MMP26: variants seen among roughly 807,000 people sequenced by gnomAD.
MMP26 encodes the protein matrix metallopeptidase 26.
Under a neutral mutation model 31.0 loss-of-function variants are expected in MMP26, and 33 were observed. The observed-to-expected ratio is 1.06, with a 90% CI of 0.81 to 1.42. MMP26 has a LOEUF of 1.42. MMP26 is among the 40% of genes most tolerant of loss of function. The pLI is 0.00. For synonymous variants in MMP26, 122 were observed against 114.9 expected, an observed-to-expected ratio of 1.06 and a Z score of -0.40; for missense variants, 347 against 316.1, an observed-to-expected ratio of 1.10 and a Z score of -0.74.
chr11:4,842,214 G>C (rs181512702), intron 2 of MMP26, among the ~76,000 whole-genome samples: 1 of 152,150 alleles, frequency 6.6e-6, no homozygotes, highest in Non-Finnish European at 1.5e-5. Context: ...TTAAGGTGCA[G>C]TTTTTATTGG....
At chr11:4,814,165 A>G (rs1473969740) in intron 2 of MMP26, among the ~76,000 whole-genome samples, 1 of 152,194 alleles carries the variant, frequency 6.6e-6, no homozygotes, top group Non-Finnish European at 1.5e-5. Flanking sequence ...AATGAGGAGC[A>G]ATTGGAGCAC....
In MMP26 at chr11:4,841,938, G is replaced by A. The variant is rs573252952; in HGVS notation, c.-145+74597G>A. 5.3e-5 allele frequency among the ~76,000 whole-genome samples: 8 copies of A among 152,106 alleles called. No individual in the cohort carries two copies. The East Asian group carries it at 1.4e-3, about 26-fold the overall frequency. ...ACAAGAGCAAAACTCTGTCTCAAAG[G>A]GAGTTCTTTAATCTGAAAGAACAGG... On this transcript the variant is annotated intron_variant, in intron 2 of 7. Transcript: ENST00000380390.
chr11:4,732,837 T>C (rs1009555563), intron 1 of MMP26, among the ~76,000 whole-genome samples: 4 of 152,264 alleles, frequency 2.6e-5, no homozygotes, highest in African/African-American at 9.6e-5. Flanking sequence ...ATTGCATGGT[T>C]CCATCACATT....
intron 2 of MMP26, chr11:4,954,703 T>A (rs1846411204): frequency 1.4e-6 from 1 of 732,904 alleles, no homozygotes; most frequent in Non-Finnish European, 2.3e-6. Context: ...TGGTGTCAAA[T>A]ATTAGGTTTC....
intron 1 of MMP26, among the ~76,000 whole-genome samples, chr11:4,735,251 C>T (rs1421304659): frequency 2.0e-5 from 3 of 152,302 alleles, no homozygotes; most frequent in East Asian, 3.9e-4. Flanking sequence ...AATTGTTTTT[C>T]ATTGACTATA....
At chr11:4,906,822 G>A (rs1850897254) in intron 2 of MMP26, among the ~76,000 whole-genome samples, 1 of 152,078 alleles carries the variant, frequency 6.6e-6, no homozygotes, top group Non-Finnish European at 1.5e-5. Flanking sequence ...CAGATGCAGT[G>A]GCTCACACCT....
At chr11:4,969,343 A>G (rs1027883522) in intron 2 of MMP26, among the ~76,000 whole-genome samples, 2 of 152,016 alleles carry the variant, frequency 1.3e-5, no homozygotes, top group Non-Finnish European at 2.9e-5. Context: ...ATATTGTACT[A>G]GTTTATCTTA....
At chr11:4,854,741 T>A (rs1450752009) in intron 2 of MMP26, among the ~76,000 whole-genome samples, 1 of 152,204 alleles carries the variant, frequency 6.6e-6, no homozygotes, top group Admixed American at 6.5e-5. Flanking sequence ...GAGTTTGAGA[T>A]CTGAGAATGG....
intron 2 of MMP26, among the ~76,000 whole-genome samples, chr11:4,869,944 C>T (rs1367839650): frequency 6.6e-6 from 1 of 152,078 alleles, no homozygotes; most frequent in Non-Finnish European, 1.5e-5. Context: ...AAGCTGGAAA[C>T]CATCATTGTG....
chr11:4,762,863 C>T (rs1848583999), intron 1 of MMP26, among the ~76,000 whole-genome samples: 1 of 152,110 alleles, frequency 6.6e-6, no homozygotes, highest in African/African-American at 2.4e-5. Flanking sequence ...CTACTAATAA[C>T]TGTAGCTCAA....
chr11:4,963,867 T>C (rs1390436211), intron 2 of MMP26, among the ~76,000 whole-genome samples: 9 of 152,170 alleles, frequency 5.9e-5, no homozygotes, highest in African/African-American at 9.7e-5. Context: ...TAATGATCAG[T>C]GAGGTTGAGC....
At chr11:4,964,910 C>G (rs1422963697) in intron 2 of MMP26, among the ~76,000 whole-genome samples, 1 of 151,974 alleles carries the variant, frequency 6.6e-6, no homozygotes, top group African/African-American at 2.4e-5. Flanking sequence ...CACACTGGGA[C>G]CTGTTGGAGA....
intron 2 of MMP26, among the ~76,000 whole-genome samples, chr11:4,825,387 A>G (rs139587276): frequency 6.6e-6 from 1 of 152,194 alleles, no homozygotes; most frequent in African/African-American, 2.4e-5. Context: ...CCACCTTTTT[A>G]GTGAAATCCT....
At chr11:4,944,770 A>AT (rs1307118838) in intron 2 of MMP26, 1 of 151,828 alleles carries the variant, frequency 6.6e-6, no homozygotes, top group East Asian at 1.9e-4. Flanking sequence ...TGTCTTTAAC[A>AT]TCATATCTTT....
chr11:4,805,733 T>G (rs1849258664), intron 2 of MMP26, among the ~76,000 whole-genome samples: 1 of 152,198 alleles, frequency 6.6e-6, no homozygotes, highest in Non-Finnish European at 1.5e-5. Flanking sequence ...CAGAGCCCTA[T>G]TGACTACCTT....
At chr11:4,833,720 A>G (rs1438561716) in intron 2 of MMP26, among the ~76,000 whole-genome samples, 2 of 152,152 alleles carry the variant, frequency 1.3e-5, no homozygotes, top group Non-Finnish European at 1.5e-5. Context: ...GGTGATGTGA[A>G]AGGGAAACAT....
At chr11:4,891,196 A>T (rs1850616237) in intron 2 of MMP26, among the ~76,000 whole-genome samples, 1 of 152,090 alleles carries the variant, frequency 6.6e-6, no homozygotes, top group South Asian at 2.1e-4. Context: ...TAATTTACAA[A>T]GAAAAGAGGT....
At chr11:4,946,725 G>A (rs1363736240) in intron 2 of MMP26, 1 of 1,589,608 alleles carries the variant, frequency 6.3e-7, no homozygotes, top group Admixed American at 1.7e-5. Flanking sequence ...TGGATGGCTA[G>A]GAATCTATCA....
chr11:4,990,760 A>C lies in MMP26; in HGVS notation c.469+14A>C. On this transcript the variant is annotated intron_variant, in intron 5 of 7. Transcript: ENST00000380390. Reference sequence around the variant, plus strand: ...TCTGGCAGTGGGGTAAGAAATTGACATGGGAAGAAGGATATGTATATGCCC... The same window carrying C: ...TCTGGCAGTGGGGTAAGAAATTGACCTGGGAAGAAGGATATGTATATGCCC... 1 of 1,613,880 alleles carries C rather than the reference A, an allele frequency of 6.2e-7. No individual in the cohort carries two copies. The highest frequency in any genetic ancestry group is 8.5e-7 in the Non-Finnish European group (1 of 1,179,804).
Sources: gnomAD v4.1 joint callset for allele counts (sites outside exome capture counted in the v4.1 genomes callset) on GRCh38, gnomAD v4.1.1 for gene constraint, MANE v1.5 for transcripts, NCBI Gene and HGNC (gene_info 2026-07-23, HGNC 2026-07-21) for gene names.